The following PNPLA7 variants were observed in gnomAD, a reference collection of about 807,000 sequenced individuals.
The protein encoded by PNPLA7 is patatin like domain 7, lysophospholipase, also known as patatin-like phospholipase domain-containing protein 7.
In PNPLA7, 153 loss-of-function variants were observed where a neutral mutation model predicts 161.7. That is an observed-to-expected ratio of 0.95 (90% confidence interval 0.83 to 1.08). PNPLA7 has a LOEUF of 1.08. PNPLA7 is among the 50% of genes least tolerant of loss of function. The pLI, the probability that PNPLA7 is intolerant of heterozygous loss-of-function variation, is 0.00. For missense variants in PNPLA7, 1,739 were observed against 1,856.6 expected (o/e 0.94, Z 1.16); for synonymous variants, 809 against 782.1 (o/e 1.03, Z -0.57).
At position 137,515,376 on chromosome 9, in the gene PNPLA7, TA is replaced by T; in HGVS notation, c.1225+2del. The T allele has an allele frequency of 1.9e-6, 3 of 1,600,524 alleles. No homozygotes were observed. The highest frequency in any genetic ancestry group is 2.6e-6 in the Non-Finnish European group (3 of 1,174,726). On this transcript the variant is annotated splice_donor_variant, in intron 12 of 34. Transcript: ENST00000406427. LOFTEE classifies it high-confidence loss of function. Reference sequence around the variant, plus strand: ...TGGCTGGGCAGCCGTCGAGGTTCTTTACCTTGTGGGGCCGAAGGGTCAGGGT... The same window carrying T: ...TGGCTGGGCAGCCGTCGAGGTTCTTTCCTTGTGGGGCCGAAGGGTCAGGGT...
intron 12 of PNPLA7, among the ~76,000 whole-genome samples, chr9:137,511,128 C>T (rs1026544668): frequency 6.6e-6 from 1 of 152,308 alleles, no homozygotes; most frequent in Admixed American, 6.5e-5. Flanking sequence ...AGTGCCAGTG[C>T]CTGGGAAGGC....
At position 137,464,210 on chromosome 9, in the gene PNPLA7, G is replaced by T; in HGVS notation, c.3157-15C>A. On this transcript the variant is annotated splice_polypyrimidine_tract_variant and intron_variant, in intron 27 of 34. Transcript: ENST00000406427. ...ATCCACAGGTCCTGCGGGCGGACGG[G>T]GCTCAGATGGGCCCTCTCCCATCAC... 6.2e-7 allele frequency: 1 copy of T among 1,613,532 alleles called. No individual in the cohort carries two copies. Among genetic ancestry groups the T allele is most frequent in the Non-Finnish European group, 8.5e-7 (1 of 1,179,862 alleles).
rs987163973 is a variant in PNPLA7 at position 137,543,290 on chromosome 9, G to A, written c.506+142C>T. On this transcript the variant is annotated intron_variant, in intron 6 of 34. Transcript: ENST00000406427. The surrounding 1 kb of genome is among the most constrained non-coding windows in gnomAD (Gnocchi z 6.9). Reference sequence around the variant, plus strand: ...CCAGCAGACCACGAGGCCCCGCCACGGGGCACAGACACCAGCAGCCCCACG... The same window carrying A: ...CCAGCAGACCACGAGGCCCCGCCACAGGGCACAGACACCAGCAGCCCCACG... 32 of 1,062,918 alleles carry A rather than the reference G, an allele frequency of 3.0e-5. No homozygotes were observed. Among genetic ancestry groups the A allele is most frequent in the South Asian group, 1.9e-4 (13 of 67,218 alleles). The allele number at this position is 1,062,918 out of a possible 1,614,324, so 65.8% of individuals were successfully genotyped here. A position where few individuals can be genotyped will look rare whatever the true frequency, so the allele number is the denominator to read the frequency against.
rs749303004 is a variant in PNPLA7 at position 137,501,639 on chromosome 9, C to T, written c.1551+11G>A. On this transcript the variant is annotated intron_variant, in intron 15 of 34. Transcript: ENST00000406427. The stretch of plus-strand genomic sequence containing the variant: ...GGTGGTCCCAGTGCCCCCCCCCAGA[C>T]CCCCGCTCACCTGGTCTCCCTGCCT... The T allele has an allele frequency of 3.7e-6, 6 of 1,610,424 alleles. No individual in the cohort carries two copies. Among genetic ancestry groups the T allele is most frequent in the African/African-American group, 1.3e-5 (1 of 74,814 alleles).
chr9:137,549,418 AT>A (rs1159652907), intron 1 of PNPLA7, among the ~76,000 whole-genome samples: 4 of 151,440 alleles, frequency 2.6e-5, no homozygotes, highest in Admixed American at 6.6e-5. Flanking sequence ...ATACAAAAAA[AT>A]ATTAGCCGGG....
rs1832468201 is a variant in PNPLA7 at position 137,486,098 on chromosome 9, T to C, written c.2198-1362A>G. 6.6e-6 allele frequency among the ~76,000 whole-genome samples: 1 copy of C among 151,710 alleles called. No individual in the cohort carries two copies. The highest frequency in any genetic ancestry group is 1.5e-5 in the Non-Finnish European group (1 of 67,926). On this transcript the variant is annotated intron_variant, in intron 20 of 34. Coordinates refer to ENST00000406427, the MANE Select transcript of PNPLA7 (RefSeq NM_001098537.3). The surrounding 1 kb of genome is among the most constrained non-coding windows in gnomAD (Gnocchi z 6.0). The stretch of plus-strand genomic sequence containing the variant: ...CGTGGCCCAGCCCTCTCACAGGCTG[T>C]CCCCTGGCCTATGTCTCCCGTCCCC...
chr9:137,474,547 G>A (rs887070230), intron 25 of PNPLA7, among the ~76,000 whole-genome samples: 18 of 152,190 alleles, frequency 1.2e-4, no homozygotes, highest in Non-Finnish European at 2.1e-4. Flanking sequence ...CCGGAGTGCC[G>A]TGGGGAAACG....
At chr9:137,512,589 G>A (rs888820644) in intron 12 of PNPLA7, among the ~76,000 whole-genome samples, 5 of 152,140 alleles carry the variant, frequency 3.3e-5, no homozygotes, top group East Asian at 1.9e-4. Context: ...TCATCAAACC[G>A]TCCACCTGCA....
In PNPLA7 at chr9:137,520,127, G is replaced by A. The variant is rs1447339953; in HGVS notation, c.958-84C>T. 1.9e-6 allele frequency: 3 copies of A among 1,569,136 alleles called. No homozygotes were observed. The highest frequency in any genetic ancestry group is 1.7e-6 in the Non-Finnish European group (2 of 1,160,672). ...GTGTGGGCTCCTCAAAGGTGTGACA[G>A]GTGTGGGCTCCTCAAAGGTGTGACA... On this transcript the variant is annotated intron_variant, in intron 10 of 34. Coordinates refer to ENST00000406427, the MANE Select transcript of PNPLA7 (RefSeq NM_001098537.3). The surrounding 1 kb of genome is among the most constrained non-coding windows in gnomAD (Gnocchi z 5.2).
Position 137,527,309 on chromosome 9 carries a change from A to C in PNPLA7, c.748-4452T>G, listed in dbSNP as rs537145519. ...CAAAAAAACAAAAAAACAAAAAAAAACCCACACACACACTCTGGCTTGTTC... is the reference window on the plus strand; with the variant it reads ...CAAAAAAACAAAAAAACAAAAAAAACCCCACACACACACTCTGGCTTGTTC... On this transcript the variant is annotated intron_variant, in intron 8 of 34. Transcript: ENST00000406427. Among the ~76,000 whole-genome samples, 750 of 151,098 alleles carry C rather than the reference A, an allele frequency of 5.0e-3. 5 individuals carry two copies. Among genetic ancestry groups the C allele is most frequent in the African/African-American group, 0.017 (684 of 41,072 alleles).
intron 20 of PNPLA7, 140 bp from the exon 21 acceptor site, chr9:137,484,876 T>A (rs1832392523): frequency 2.9e-6 from 3 of 1,034,778 alleles, no homozygotes; most frequent in Non-Finnish European, 4.1e-6. Flanking sequence ...TCCCCAGTCC[T>A]GAGGCTGCCT....
At chr9:137,495,665 C>T (rs1425196576) in intron 18 of PNPLA7, among the ~76,000 whole-genome samples, 2 of 152,180 alleles carry the variant, frequency 1.3e-5, no homozygotes, top group African/African-American at 2.4e-5. Context: ...AGGATGGTCT[C>T]GATCTCCTGA....
rs145630661 is a variant in PNPLA7, at chr9:137,501,653, G to T, written c.1548C>A (p.Asp516Glu). The change falls in exon 15 of 35, where the codon GAC (aspartate) becomes GAA (glutamate). Residue 516 changes from aspartate (D) to glutamate (E), a missense_variant. Asp to Glu is a conservative substitution (Grantham distance 45, BLOSUM62 2). Transcript: ENST00000406427. ...PAGTVVSRQG[D>E]QDASILFVVS... ...CCCCCCCCAGACCCCCGCTCACCTG[G>T]TCTCCCTGCCTTGACACCACCGTGC... 1.5e-5 allele frequency: 24 copies of T among 1,612,064 alleles called. No homozygotes were observed. The African/African-American group carries it at 3.1e-4, about 21-fold the overall frequency.
chr9:137,518,156 C>T (rs1389545677), intron 11 of PNPLA7, among the ~76,000 whole-genome samples: 2 of 111,890 alleles, frequency 1.8e-5, no homozygotes, highest in Non-Finnish European at 3.9e-5. Flanking sequence ...CCCCCACTCA[C>T]GCACTCACTC....
chr9:137,540,685 C>G lies in PNPLA7; in HGVS notation c.704G>C (p.Gly235Ala), dbSNP rs756282933. The change falls in exon 8 of 35, where the codon GGA becomes GCA. Residue 235 changes from glycine (G) to alanine (A), a missense_variant. Physicochemically the swap from Gly to Ala is moderately conservative, Grantham distance 60 (BLOSUM62 0). This residue lies in a region of PNPLA7 where 152 missense variants were observed against 193.5 expected (regional missense o/e 0.79). Transcript: ENST00000406427. The surrounding 1 kb of genome is among the most constrained non-coding windows in gnomAD (Gnocchi z 5.1). Reference sequence around the variant, plus strand: ...GCTGAGCAGGCTGTGGACGCTGTCTCCCGCCAGAACCTCTTTCACCACCAC... The same window carrying G: ...GCTGAGCAGGCTGTGGACGCTGTCTGCCGCCAGAACCTCTTTCACCACCAC... ...TEVVVKEVLA[G>A]DSVHSLLSIL... 6.2e-7 allele frequency: 1 copy of G among 1,611,976 alleles called. No homozygotes were observed. Among genetic ancestry groups the G allele is most frequent in the Non-Finnish European group, 8.5e-7 (1 of 1,179,364 alleles).
Position 137,506,259 on chromosome 9 carries a change from CT to C in PNPLA7, c.1226-177del, listed in dbSNP as rs2132351098. Among the ~76,000 whole-genome samples, 3 of 152,338 alleles carry C rather than the reference CT, an allele frequency of 2.0e-5. No homozygotes were observed. The East Asian group carries it at 5.8e-4, about 29-fold the overall frequency. On this transcript the variant is annotated intron_variant, in intron 12 of 34. Transcript: ENST00000406427. ...TTTCTTTCGGCATCTGCCTCAATGG[CT>C]CTGTGACCCACCAGCTACAGGTTTT...
Position 137,540,770 on chromosome 9 carries a change from C to G in PNPLA7, c.667-48G>C. On this transcript the variant is annotated intron_variant, in intron 7 of 34. Transcript: ENST00000406427. This position sits in a 1 kb window ranked among gnomAD's most constrained non-coding sequence, Gnocchi z 5.1. ...GTGCCGTCAGGTCTGGGGCTGCGAC[C>G]GCGGGGCCTGGCGGAGGCTCAGCCC... 1 of 1,549,154 alleles carries G rather than the reference C, an allele frequency of 6.5e-7. No individual in the cohort carries two copies. Among genetic ancestry groups the G allele is most frequent in the Non-Finnish European group, 8.8e-7 (1 of 1,139,300 alleles).
At chr9:137,518,076 C>G (rs1834724859) in intron 11 of PNPLA7, among the ~76,000 whole-genome samples, 1 of 113,710 alleles carries the variant, frequency 8.8e-6, no homozygotes, top group Non-Finnish European at 1.8e-5. Context: ...CTGTCCACTC[C>G]ATCCCCCGTC....
In PNPLA7 at chr9:137,461,812, G is replaced by C. The variant is rs934009707; in HGVS notation, c.3756+119C>G. The C allele has an allele frequency of 1.2e-5, 15 of 1,254,902 alleles. No individual in the cohort carries two copies. The African/African-American group carries it at 2.0e-4, about 16-fold the overall frequency. 77.7% of individuals were successfully genotyped at this position (1,254,902 alleles called of 1,614,324 possible). ...GTCCTGGCCCTGGAGTCTTTGGCCA[G>C]GGGGGCAGGGCCTGTGGCCTGAGGA... On this transcript the variant is annotated intron_variant, in intron 32 of 34. Transcript: ENST00000406427.
Sources: gnomAD v4.1 joint callset for allele counts (sites outside exome capture counted in the v4.1 genomes callset) on GRCh38, gnomAD v4.1.1 for gene constraint, gnomAD v4.1.1 regional missense constraint, Gnocchi (gnomAD v3.1) non-coding constraint, MANE v1.5 for transcripts, NCBI Gene and HGNC (gene_info 2026-07-23, HGNC 2026-07-21) for gene names.